ADAM32: variants seen among roughly 807,000 people sequenced by gnomAD.
ADAM32 encodes the protein ADAM metallopeptidase domain 32, also known as disintegrin and metalloproteinase domain-containing protein 32.
In ADAM32, 89 loss-of-function variants were observed where a neutral mutation model predicts 114.9. The observed-to-expected ratio is 0.77, with a 90% CI of 0.65 to 0.92. The LOEUF is 0.92. ADAM32 is among the 40% of genes least tolerant of loss of function. The probability of loss-of-function intolerance (pLI) is 0.00; values close to 1 mark genes in which losing one functional copy is unlikely to be tolerated. For synonymous variants in ADAM32, 285 were observed against 307.5 expected (o/e 0.93, Z 0.77); for missense variants, 870 against 932.8 (o/e 0.93, Z 0.88).
intron 16 of ADAM32, among the ~76,000 whole-genome samples, chr8:39,244,221 C>T (rs376853937): frequency 1.5e-3 from 230 of 152,128 alleles, no homozygotes; most frequent in Non-Finnish European, 2.2e-3. Context: ...CAATATAATT[C>T]CCATCAAAAT....
intron 9 of ADAM32, chr8:39,165,419 A>C (rs1804768741): frequency 2.7e-6 from 1 of 376,578 alleles, no homozygotes; most frequent in Non-Finnish European, 4.6e-6. Flanking sequence ...AGACATTGAG[A>C]GTTTCAAGAG....
At chr8:39,265,121 G>A (rs1389279682) in intron 19 of ADAM32, among the ~76,000 whole-genome samples, 2 of 152,144 alleles carry the variant, frequency 1.3e-5, no homozygotes, top group Non-Finnish European at 2.9e-5. Context: ...CTATTATTGT[G>A]TGGTTCTCAA....
chr8:39,255,751 T>A (rs1811615054), intron 18 of ADAM32, among the ~76,000 whole-genome samples: 1 of 152,118 alleles, frequency 6.6e-6, no homozygotes, highest in Admixed American at 6.6e-5. Flanking sequence ...TCTATTTATC[T>A]TTGTTTTTAT....
intron 22 of ADAM32, 56 bp from the exon 23 acceptor site, chr8:39,281,079 GC>G (rs1320913633): frequency 1.1e-6 from 1 of 931,668 alleles, no homozygotes; most frequent in African/African-American, 1.8e-5. Flanking sequence ...ACCGCGCCTG[GC>G]CAATTTATTT....
intron 18 of ADAM32, among the ~76,000 whole-genome samples, 171 bp downstream of exon 18, chr8:39,254,687 C>T (rs1191688869): frequency 6.6e-6 from 1 of 151,654 alleles, no homozygotes; most frequent in African/African-American, 2.4e-5. Context: ...ATCTTGCTCT[C>T]TTTTCTTTAT....
chr8:39,137,399 T>C (rs1448403997), intron 3 of ADAM32, among the ~76,000 whole-genome samples: 1 of 152,154 alleles, frequency 6.6e-6, no homozygotes, highest in Non-Finnish European at 1.5e-5. Flanking sequence ...CTTACATGAA[T>C]ATTTTTGAAG....
intron 22 of ADAM32, among the ~76,000 whole-genome samples, chr8:39,277,263 C>T (rs1813132366): frequency 6.6e-6 from 1 of 152,218 alleles, no homozygotes. Flanking sequence ...CAATAGACAT[C>T]GTTTAATTTG....
Position 39,164,727 on chromosome 8 carries a change from A to G in ADAM32, c.595-37A>G, listed in dbSNP as rs115076362. 6.0e-4 allele frequency: 879 copies of G among 1,453,712 alleles called. 4 individuals carry two copies. The African/African-American group carries it at 0.011, about 18-fold the overall frequency. 90.1% of individuals were successfully genotyped at this position (1,453,712 alleles called of 1,614,324 possible). A position where few individuals can be genotyped will look rare whatever the true frequency, so the allele number is the denominator to read the frequency against. On this transcript the variant is annotated intron_variant, in intron 7 of 24. Transcript: ENST00000379907. ...AGAATCTTAAAAATACTACATAATA[A>G]TTTGTACTTAAATATAAAATTAATT...
intron 24 of ADAM32, among the ~76,000 whole-genome samples, chr8:39,284,145 G>GT (rs201625362): frequency 0.014 from 2,131 of 151,526 alleles, 43 homozygotes; most frequent in African/African-American, 0.048. Context: ...AACTTAGTCT[G>GT]TTTTTTTTCA....
intron 3 of ADAM32, among the ~76,000 whole-genome samples, chr8:39,144,408 A>C (rs938807968): frequency 1.3e-5 from 2 of 152,230 alleles, no homozygotes; most frequent in African/African-American, 4.8e-5. Context: ...CAGAAAAAAG[A>C]TGTAGTAACA....
intron 11 of ADAM32, among the ~76,000 whole-genome samples, chr8:39,203,201 C>T: frequency 6.6e-6 from 1 of 152,124 alleles, no homozygotes; most frequent in Non-Finnish European, 1.5e-5. Context: ...AACTTTCTGT[C>T]TCATTGATCT....
intron 10 of ADAM32, among the ~76,000 whole-genome samples, chr8:39,178,678 G>C (rs1805663767): frequency 6.6e-6 from 1 of 152,142 alleles, no homozygotes; most frequent in African/African-American, 2.4e-5. Context: ...TGAGGTTGCT[G>C]ACCTTTGAAT....
intron 3 of ADAM32, among the ~76,000 whole-genome samples, chr8:39,143,144 G>T (rs927825004): frequency 3.9e-5 from 6 of 152,092 alleles, no homozygotes; most frequent in African/African-American, 1.4e-4. Context: ...CTTGTGATGG[G>T]TTACAACATG....
intron 2 of ADAM32, among the ~76,000 whole-genome samples, chr8:39,129,353 G>A (rs1184142241): frequency 6.6e-6 from 1 of 151,968 alleles, no homozygotes; most frequent in African/African-American, 2.4e-5. Context: ...TTTTTGTAAA[G>A]GCCTTTATCA....
intron 7 of ADAM32, 88 bp from the exon 8 acceptor site, chr8:39,164,676 C>G (rs1241773456): frequency 1.9e-5 from 19 of 1,009,648 alleles, no homozygotes; most frequent in African/African-American, 1.7e-5. Flanking sequence ...CCAAAGCAGC[C>G]TTACACCTCT....
intron 2 of ADAM32, among the ~76,000 whole-genome samples, chr8:39,120,073 C>T (rs1364616934): frequency 6.6e-6 from 1 of 152,180 alleles, no homozygotes; most frequent in African/African-American, 2.4e-5. Context: ...AGAAATCAGC[C>T]CTGTTGGCAC....
At chr8:39,119,883 G>A (rs1840521304) in intron 2 of ADAM32, among the ~76,000 whole-genome samples, 1 of 152,112 alleles carries the variant, frequency 6.6e-6, no homozygotes. Flanking sequence ...GAGGTCAAGG[G>A]CCTTATGGAG....
chr8:39,156,742 C>T (rs1276960132), intron 6 of ADAM32, among the ~76,000 whole-genome samples: 1 of 152,134 alleles, frequency 6.6e-6, no homozygotes, highest in East Asian at 1.9e-4. Flanking sequence ...TAAGTAACCA[C>T]CCTCTCCCTG....
intron 12 of ADAM32, among the ~76,000 whole-genome samples, chr8:39,212,143 A>G (rs1047471469): frequency 1.8e-4 from 27 of 151,994 alleles, no homozygotes; most frequent in Non-Finnish European, 2.9e-5. Context: ...CAGCCTCCCA[A>G]GTAGCTGGGA....
Sources: gnomAD v4.1 joint callset for allele counts (sites outside exome capture counted in the v4.1 genomes callset) on GRCh38, gnomAD v4.1.1 for gene constraint, MANE v1.5 for transcripts, NCBI Gene and HGNC (gene_info 2026-07-23, HGNC 2026-07-21) for gene names.